BAALC: variants seen among roughly 807,000 people sequenced by gnomAD.
BAALC encodes brain and acute leukemia cytoplasmic protein.
A neutral mutation model predicts 15.5 loss-of-function variants in BAALC; 9 were observed. The ratio of observed to expected loss-of-function variants is 0.58; its 90% CI spans 0.35 to 1.02. BAALC has a LOEUF of 1.02. BAALC is among the 50% of genes least tolerant of loss of function. The pLI is 0.02. For synonymous variants in BAALC, 80 were observed against 74.6 expected, an observed-to-expected ratio of 1.07 and a Z score of -0.37; for missense variants, 201 against 192.4, an observed-to-expected ratio of 1.04 and a Z score of -0.27.
At chr8:103,178,402 G>T (rs1336638963) in intron 1 of BAALC, among the ~76,000 whole-genome samples, 1 of 152,156 alleles carries the variant, frequency 6.6e-6, no homozygotes, top group Non-Finnish European at 1.5e-5. Context: ...ATTAAACCTG[G>T]GGAAATCTAA....
intron 1 of BAALC, among the ~76,000 whole-genome samples, chr8:103,196,843 T>C (rs1424155975): frequency 6.6e-6 from 1 of 152,220 alleles, no homozygotes; most frequent in East Asian, 1.9e-4. Context: ...AGCCTCGTGG[T>C]GGCTTCTGAG....
At chr8:103,151,505 C>T (rs945047862) in intron 1 of BAALC, among the ~76,000 whole-genome samples, 15 of 152,184 alleles carry the variant, frequency 9.9e-5, no homozygotes, top group African/African-American at 3.4e-4. Flanking sequence ...CACATCCTCA[C>T]GCTTGCACCA....
chr8:103,201,491 G>C (rs1188640975), intron 1 of BAALC, among the ~76,000 whole-genome samples: 1 of 152,256 alleles, frequency 6.6e-6, no homozygotes, highest in Non-Finnish European at 1.5e-5. Flanking sequence ...GGAGGAGTTA[G>C]ACATGTGGAT....
rs1441001377 is a variant in BAALC, at chr8:103,212,973, G to A, written c.215G>A (p.Gly72Asp). 10 of 1,613,978 alleles carry A rather than the reference G, an allele frequency of 6.2e-6. No individual in the cohort carries two copies. The highest frequency in any genetic ancestry group is 4.0e-5 in the African/African-American group (3 of 74,904). ...GGTGTGCCCCGATCTACAGCCCCAG[G>A]TGGAATACCCAACCCAGAGAAGAAG... is the stretch of plus-strand genomic sequence containing the variant. ...SNGVPRSTAP[G>D]GIPNPEKKTN... Residue 72 changes from glycine (G) to aspartate (D), a missense_variant, in exon 2 of 3, where the codon GGT (glycine) becomes GAT (aspartate). Coordinates refer to ENST00000309982, the MANE Select transcript of BAALC (RefSeq NM_024812.3).
chr8:103,191,317 A>G (rs902866912), intron 1 of BAALC: 1 of 152,018 alleles, frequency 6.6e-6, no homozygotes, highest in Non-Finnish European at 1.5e-5. Flanking sequence ...GCGTGTTCTG[A>G]TTTCTAGGAC....
chr8:103,166,735 T>C (rs902147188), intron 1 of BAALC, among the ~76,000 whole-genome samples: 30 of 152,218 alleles, frequency 2.0e-4, no homozygotes, highest in Non-Finnish European at 5.9e-5. Context: ...AATGAGGTGC[T>C]TGTGCTCCTT....
At position 103,202,240 on chromosome 8, in the gene BAALC, A is replaced by G. The variant is rs145661844; in HGVS notation, c.161-10679A>G. Among the ~76,000 whole-genome samples the G allele has an allele frequency of 5.3e-5, 8 of 152,322 alleles. No individual in the cohort carries two copies. The East Asian group carries it at 1.5e-3, about 29-fold the overall frequency. ...TTCCCCAGCGCCTCAGAATGTGATT[A>G]TAATTGAAGATAGGGCCTTTAAAGA... is the stretch of plus-strand genomic sequence containing the variant. On this transcript the variant is annotated intron_variant, in intron 1 of 2. Transcript: ENST00000309982.
intron 1 of BAALC, among the ~76,000 whole-genome samples, chr8:103,187,015 T>C (rs1401058854): frequency 6.6e-6 from 1 of 152,232 alleles, no homozygotes; most frequent in Non-Finnish European, 1.5e-5. Context: ...GTATTTCAGC[T>C]GGCTCTTACA....
intron 1 of BAALC, among the ~76,000 whole-genome samples, chr8:103,183,777 CTGGAA>C (rs1173397426): frequency 6.6e-6 from 1 of 152,190 alleles, no homozygotes; most frequent in Non-Finnish European, 1.5e-5. Flanking sequence ...GGTTGTGTCA[CTGGAA>C]TACCTAAGTT....
At chr8:103,186,738 C>T (rs560731121) in intron 1 of BAALC, among the ~76,000 whole-genome samples, 1 of 152,168 alleles carries the variant, frequency 6.6e-6, no homozygotes, top group African/African-American at 2.4e-5. Flanking sequence ...TGAGTTTAAA[C>T]AGTGCTTTCT....
rs1382429998 is a variant in BAALC, at chr8:103,229,582, G to A, written c.*1483G>A. The A allele has an allele frequency of 3.3e-5, 5 of 152,184 alleles. No individual in the cohort carries two copies. Among genetic ancestry groups the A allele is most frequent in the African/African-American group, 1.2e-4 (5 of 41,432 alleles). 9.4% of individuals were successfully genotyped at this position (152,184 alleles called of 1,614,324 possible). On this transcript the variant is annotated 3_prime_UTR_variant, in exon 3 of 3. Transcript: ENST00000309982. ...GCAGATGTTGAGGGATTTGGGGTCT[G>A]GTTAGTCGTGACTATCTATCCTGAA... is the stretch of plus-strand genomic sequence containing the variant.
At chr8:103,189,784 T>C (rs78447942) in intron 1 of BAALC, among the ~76,000 whole-genome samples, 7,567 of 152,236 alleles carry the variant, frequency 0.05, 217 homozygotes, top group South Asian at 0.1. Flanking sequence ...GCCCACAGGA[T>C]GGAGCTCTTG....
intron 1 of BAALC, among the ~76,000 whole-genome samples, chr8:103,172,522 C>T (rs1325905809): frequency 6.6e-6 from 1 of 151,956 alleles, no homozygotes; most frequent in African/African-American, 2.4e-5. Flanking sequence ...CTGCCTCAGC[C>T]TCCCGAGTAG....
chr8:103,227,279 C>A (rs1226552370), intron 2 of BAALC, among the ~76,000 whole-genome samples: 1 of 152,124 alleles, frequency 6.6e-6, no homozygotes, highest in Non-Finnish European at 1.5e-5. Context: ...ATCTCAGGAC[C>A]CCAAACTCAC....
chr8:103,165,029 C>T (rs1050197918), intron 1 of BAALC, among the ~76,000 whole-genome samples: 11 of 152,190 alleles, frequency 7.2e-5, no homozygotes, highest in Non-Finnish European at 1.0e-4. Flanking sequence ...TAGGCTATTG[C>T]TTGGTTTCAA....
chr8:103,214,438 G>A (rs1204890217), intron 2 of BAALC, among the ~76,000 whole-genome samples: 2 of 152,220 alleles, frequency 1.3e-5, no homozygotes, highest in Non-Finnish European at 2.9e-5. Context: ...TGCAGGTTAA[G>A]TTTGATAGGC....
chr8:103,152,462 C>T (rs1455898426), intron 1 of BAALC, among the ~76,000 whole-genome samples: 4 of 152,200 alleles, frequency 2.6e-5, no homozygotes, highest in African/African-American at 9.6e-5. Context: ...CAGCCTTCCC[C>T]AGTGGCCATC....
At chr8:103,227,384 T>C (rs911005303) in intron 2 of BAALC, among the ~76,000 whole-genome samples, 1 of 152,298 alleles carries the variant, frequency 6.6e-6, no homozygotes, top group African/African-American at 2.4e-5. Context: ...GAAGGCCACA[T>C]ACCTTCCAGG....
At chr8:103,180,560 A>G (rs1030690585) in intron 1 of BAALC, among the ~76,000 whole-genome samples, 2 of 152,210 alleles carry the variant, frequency 1.3e-5, no homozygotes, top group African/African-American at 2.4e-5. Context: ...CAACTTTAGC[A>G]TCCTTCAAGC....
Sources: allele counts gnomAD v4.1 joint callset (sites outside exome capture counted in the v4.1 genomes callset), GRCh38; gene constraint gnomAD v4.1.1; transcripts MANE v1.5; gene names NCBI Gene and HGNC (gene_info 2026-07-23, HGNC 2026-07-21).